GALNT13: variants seen among roughly 807,000 people sequenced by gnomAD.
GALNT13 encodes the protein polypeptide N-acetylgalactosaminyltransferase 13.
A neutral mutation model predicts 64.2 loss-of-function variants in GALNT13; 28 were observed. The ratio of observed to expected loss-of-function variants is 0.44; its 90% confidence interval spans 0.32 to 0.60. The LOEUF (loss-of-function observed/expected upper bound fraction) is 0.60, where lower values mean the gene tolerates loss of function less well. Ranked by LOEUF, GALNT13 falls within the 20% of genes least tolerant of loss-of-function variation. GALNT13 has a pLI of 0.05. For synonymous variants in GALNT13, 214 were observed against 224.6 expected, an observed-to-expected ratio of 0.95 and a Z score of 0.42; for missense variants, 577 against 669.8, an observed-to-expected ratio of 0.86 and a Z score of 1.53.
chr2:153,853,983 G>A, the GALNT13 span, among the ~76,000 whole-genome samples: 1 of 151,760 alleles, frequency 6.6e-6, no homozygotes, highest in Non-Finnish European at 1.5e-5. Flanking sequence ...CCATCCGTCA[G>A]CCCATAGGTA....
the GALNT13 span, among the ~76,000 whole-genome samples, chr2:153,792,970 C>CTTTTTTT: frequency 4.5e-5 from 6 of 132,256 alleles, 1 homozygote; most frequent in Admixed American, 7.7e-5. Flanking sequence ...TTCTTTCTTT[C>CTTTTTTT]TTTTTTTTTT....
the GALNT13 span, among the ~76,000 whole-genome samples, chr2:153,445,067 A>G: frequency 3.3e-5 from 5 of 152,192 alleles, no homozygotes; most frequent in African/African-American, 1.2e-4. Flanking sequence ...GACAGTGTCA[A>G]TCATTGAACT....
At chr2:154,157,052 T>C (rs1684465686) in intron 4 of GALNT13, among the ~76,000 whole-genome samples, 1 of 152,148 alleles carries the variant, frequency 6.6e-6, no homozygotes, top group Admixed American at 6.5e-5. Flanking sequence ...ATTTCCCTTG[T>C]CTATCCTGTT....
chr2:153,319,944 C>A, the GALNT13 span, among the ~76,000 whole-genome samples: 1 of 151,976 alleles, frequency 6.6e-6, no homozygotes, highest in African/African-American at 2.4e-5. Context: ...GGGAGACCAA[C>A]CATAAAAGAT....
At chr2:153,457,676 G>A in the GALNT13 span, among the ~76,000 whole-genome samples, 1 of 151,964 alleles carries the variant, frequency 6.6e-6, no homozygotes, top group African/African-American at 2.4e-5. Flanking sequence ...AGAATCATGG[G>A]GATTTCAACC....
the GALNT13 span, among the ~76,000 whole-genome samples, chr2:153,619,877 T>A: frequency 2.0e-5 from 3 of 152,216 alleles, no homozygotes; most frequent in East Asian, 3.9e-4. Context: ...AATCCTTTTT[T>A]AAAAATAGTT....
At chr2:153,597,320 T>C in the GALNT13 span, among the ~76,000 whole-genome samples, 2 of 152,158 alleles carry the variant, frequency 1.3e-5, no homozygotes, top group Admixed American at 6.6e-5. Context: ...AAGCTGATCC[T>C]GTCCCACAAT....
At chr2:153,688,428 A>T in the GALNT13 span, among the ~76,000 whole-genome samples, 1 of 152,056 alleles carries the variant, frequency 6.6e-6, no homozygotes, top group Non-Finnish European at 1.5e-5. Flanking sequence ...TTAATATTTT[A>T]AAATAAGATA....
intron 9 of GALNT13, among the ~76,000 whole-genome samples, chr2:154,374,925 G>A (rs1336269207): frequency 1.3e-5 from 2 of 152,144 alleles, no homozygotes; most frequent in African/African-American, 4.8e-5. Context: ...CAGTTATTTA[G>A]AATACAGTCA....
At chr2:153,678,924 T>A in the GALNT13 span, among the ~76,000 whole-genome samples, 1 of 151,922 alleles carries the variant, frequency 6.6e-6, no homozygotes, top group African/African-American at 2.4e-5. Flanking sequence ...AAACAATAAT[T>A]GTTGAGAGTA....
At chr2:153,158,808 C>G in the GALNT13 span, 1 of 152,146 alleles carries the variant, frequency 6.6e-6, no homozygotes, top group African/African-American at 2.4e-5. Flanking sequence ...GATTCTATGT[C>G]AAAATAAAGT....
At chr2:153,608,638 A>T in the GALNT13 span, among the ~76,000 whole-genome samples, 1 of 148,294 alleles carries the variant, frequency 6.7e-6, no homozygotes, top group African/African-American at 2.5e-5. Flanking sequence ...TCTCTCTTTC[A>T]TACATATATA....
At chr2:154,368,809 G>C (rs978478871) in intron 9 of GALNT13, among the ~76,000 whole-genome samples, 1 of 152,240 alleles carries the variant, frequency 6.6e-6, no homozygotes, top group East Asian at 1.9e-4. Flanking sequence ...ACATCCTCCC[G>C]AATTCTTCAT....
chr2:153,775,588 T>C, the GALNT13 span, among the ~76,000 whole-genome samples: 17 of 152,122 alleles, frequency 1.1e-4, no homozygotes, highest in Non-Finnish European at 1.2e-4. Flanking sequence ...TTTTTCATTA[T>C]AAAAGATACA....
the GALNT13 span, chr2:153,478,281 C>G: frequency 8.7e-6 from 14 of 1,614,050 alleles, no homozygotes; most frequent in Non-Finnish European, 1.1e-5. Context: ...TAGACGGCCT[C>G]CGGTCCTTCA....
Position 153,897,949 on chromosome 2 carries a change from A to G in GALNT13, c.-176-2987A>G, listed in dbSNP as rs1437697986. On this transcript the variant is annotated intron_variant, in intron 1 of 12. Coordinates refer to ENST00000392825, the MANE Select transcript of GALNT13 (RefSeq NM_052917.4). ...TCTTCCAGAAAAAAATGCCACCTCAAATGTCATGTATTTTTAAGTCTTCTC... is the reference window on the plus strand; with the variant it reads ...TCTTCCAGAAAAAAATGCCACCTCAGATGTCATGTATTTTTAAGTCTTCTC... Among the ~76,000 whole-genome samples, 4 of 152,136 alleles carry G rather than the reference A, an allele frequency of 2.6e-5. No homozygotes were observed. In the East Asian group the frequency reaches 5.8e-4, roughly 22 times the overall value.
At chr2:153,782,389 A>G in the GALNT13 span, among the ~76,000 whole-genome samples, 2 of 152,192 alleles carry the variant, frequency 1.3e-5, no homozygotes, top group African/African-American at 4.8e-5. Flanking sequence ...AAACTTGTAC[A>G]GCATCCTGTT....
chr2:153,083,753 C>T, the GALNT13 span, among the ~76,000 whole-genome samples: 7 of 152,132 alleles, frequency 4.6e-5, no homozygotes, highest in Admixed American at 1.3e-4. Context: ...GAAGTCCCAT[C>T]TATTTACCTT....
At chr2:154,172,540 G>A (rs903868585) in intron 4 of GALNT13, among the ~76,000 whole-genome samples, 4 of 151,878 alleles carry the variant, frequency 2.6e-5, no homozygotes, top group African/African-American at 7.2e-5. Context: ...AGAACACGTA[G>A]TATTTATTTT....
Sources: allele counts gnomAD v4.1 joint callset (sites outside exome capture counted in the v4.1 genomes callset), GRCh38; gene constraint gnomAD v4.1.1; transcripts MANE v1.5; gene names NCBI Gene and HGNC (gene_info 2026-07-23, HGNC 2026-07-21).